The following SNTB1 variants were observed in gnomAD, a reference collection of about 807,000 sequenced individuals.
SNTB1 encodes syntrophin beta 1.
Under a neutral mutation model 48.9 loss-of-function variants are expected in SNTB1, and 36 were observed. The observed-to-expected ratio is 0.74, with a 90% CI of 0.56 to 0.97. The LOEUF is 0.97. Among genes scored for constraint, SNTB1 ranks in the 50% least tolerant of loss-of-function variants. SNTB1 has a pLI of 0.00. For missense variants in SNTB1, 786 were observed against 703.4 expected (o/e 1.12, Z -1.33); for synonymous variants, 299 against 294.6 (o/e 1.01, Z -0.15).
intron 3 of SNTB1, among the ~76,000 whole-genome samples, chr8:120,603,183 A>G (rs1216135579): frequency 6.6e-6 from 1 of 151,572 alleles, no homozygotes; most frequent in Admixed American, 6.6e-5. Flanking sequence ...GCTCACTGCA[A>G]CCTCTCCTCC....
chr8:120,755,026 G>A (rs1015930787), intron 1 of SNTB1, among the ~76,000 whole-genome samples: 2 of 152,052 alleles, frequency 1.3e-5, no homozygotes, highest in Admixed American at 6.6e-5. Context: ...CTTTGTATCC[G>A]AGGCAATGGT....
chr8:120,786,397 C>G (rs1415481971), intron 1 of SNTB1, among the ~76,000 whole-genome samples: 2 of 152,126 alleles, frequency 1.3e-5, no homozygotes, highest in African/African-American at 4.8e-5. Context: ...CGCTCTAGCC[C>G]AACGATCAGG....
intron 1 of SNTB1, among the ~76,000 whole-genome samples, chr8:120,735,702 C>T (rs1818930472): frequency 6.6e-6 from 1 of 152,164 alleles, no homozygotes; most frequent in Non-Finnish European, 1.5e-5. Flanking sequence ...GCCTCCAGAA[C>T]CATGAGAAAA....
At chr8:120,564,488 T>C (rs1815716517) in intron 4 of SNTB1, among the ~76,000 whole-genome samples, 1 of 152,082 alleles carries the variant, frequency 6.6e-6, no homozygotes, top group Admixed American at 6.6e-5. Context: ...ACCCAGTCTA[T>C]AGTATTTTGT....
At chr8:120,561,335 A>G (rs1331712441) in intron 4 of SNTB1, among the ~76,000 whole-genome samples, 2 of 43,926 alleles carry the variant, frequency 4.6e-5, no homozygotes, top group Non-Finnish European at 8.2e-5. Context: ...AAAAAAAAAA[A>G]AAAAAGAAAA....
At chr8:120,795,369 C>T (rs1042501503) in intron 1 of SNTB1, among the ~76,000 whole-genome samples, 5 of 151,970 alleles carry the variant, frequency 3.3e-5, no homozygotes, top group African/African-American at 9.7e-5. Context: ...ACCAGGGGAC[C>T]TGGTCCCACC....
At chr8:120,701,787 CA>C (rs1184478907) in intron 1 of SNTB1, among the ~76,000 whole-genome samples, 1 of 152,128 alleles carries the variant, frequency 6.6e-6, no homozygotes, top group Non-Finnish European at 1.5e-5. Flanking sequence ...GAAGGATGGC[CA>C]AAATGTTCTG....
At chr8:120,739,392 G>C (rs1445614834) in intron 1 of SNTB1, among the ~76,000 whole-genome samples, 1 of 152,178 alleles carries the variant, frequency 6.6e-6, no homozygotes. Flanking sequence ...AATGGGGGTT[G>C]TTCTCAGACA....
At chr8:120,653,772 G>C (rs7461236) in intron 2 of SNTB1, among the ~76,000 whole-genome samples, 1 of 151,678 alleles carries the variant, frequency 6.6e-6, no homozygotes, top group East Asian at 1.9e-4. Flanking sequence ...GGGTGCTGTG[G>C]CTCACGCCTG....
chr8:120,654,071 A>AAAAT, intron 2 of SNTB1, among the ~76,000 whole-genome samples: 1 of 144,104 alleles, frequency 6.9e-6, no homozygotes, highest in South Asian at 2.2e-4. Context: ...AAAAAAAAAA[A>AAAAT]GTTGTCTTCT....
intron 2 of SNTB1, among the ~76,000 whole-genome samples, chr8:120,682,991 C>T (rs1234776540): frequency 6.7e-6 from 1 of 150,140 alleles, no homozygotes; most frequent in African/African-American, 2.5e-5. Context: ...ACGCCATTCT[C>T]CTGCCTCAGC....
At chr8:120,658,528 T>G (rs1288515880) in intron 2 of SNTB1, among the ~76,000 whole-genome samples, 1 of 152,230 alleles carries the variant, frequency 6.6e-6, no homozygotes, top group East Asian at 1.9e-4. Context: ...GTCTCAGGAA[T>G]TTTTTTGGTT....
chr8:120,619,396 A>T (rs563757016), intron 3 of SNTB1, among the ~76,000 whole-genome samples: 30 of 152,168 alleles, frequency 2.0e-4, no homozygotes, highest in African/African-American at 7.2e-4. Flanking sequence ...ATTTACGTTA[A>T]CTCTGACTTA....
intron 4 of SNTB1, among the ~76,000 whole-genome samples, chr8:120,573,600 A>T (rs1179575578): frequency 6.6e-6 from 1 of 152,204 alleles, no homozygotes; most frequent in Non-Finnish European, 1.5e-5. Flanking sequence ...CATATACAAT[A>T]AATCATTGCC....
intron 4 of SNTB1, chr8:120,570,856 T>G (rs1005333821): frequency 7.4e-5 from 12 of 162,176 alleles, no homozygotes; most frequent in African/African-American, 2.9e-4. Flanking sequence ...GAGTTTTCCC[T>G]CAGGCTTCAA....
intron 4 of SNTB1, among the ~76,000 whole-genome samples, chr8:120,552,196 G>A (rs1815492969): frequency 6.6e-6 from 1 of 152,140 alleles, no homozygotes; most frequent in Admixed American, 6.6e-5. Context: ...AATAATAACT[G>A]GGAAAATGCA....
rs1818164248 is a variant in SNTB1 at position 120,693,718 on chromosome 8, A to G, written c.762T>C (p.Ser254=). The G allele has an allele frequency of 3.1e-6, 5 of 1,613,588 alleles. No homozygotes were observed. The highest frequency in any genetic ancestry group is 4.2e-6 in the Non-Finnish European group (5 of 1,179,892). The part of the protein sequence containing the change: ...IPLKMCYVTR[S]MALADPENRQ... Reference sequence around the variant, plus strand: ...TGTTCTCAGGGTCGGCCAAGGCCATACTCCGAGTGACGTAGCACATTTTGA... The same window carrying G: ...TGTTCTCAGGGTCGGCCAAGGCCATGCTCCGAGTGACGTAGCACATTTTGA... Residue 254 remains serine (S), a synonymous_variant, in exon 2 of 7, where the codon AGT becomes AGC. Coordinates refer to ENST00000517992, the MANE Select transcript of SNTB1 (RefSeq NM_021021.4).
chr8:120,790,702 C>T (rs1429779392), intron 1 of SNTB1, among the ~76,000 whole-genome samples: 1 of 151,710 alleles, frequency 6.6e-6, no homozygotes, highest in East Asian at 1.9e-4. Flanking sequence ...AAGATGTCTA[C>T]CAGGAGAACT....
intron 3 of SNTB1, among the ~76,000 whole-genome samples, chr8:120,575,938 C>A (rs1033694792): frequency 6.6e-6 from 1 of 152,172 alleles, no homozygotes; most frequent in African/African-American, 2.4e-5. Context: ...TGAGCCATCC[C>A]CTTGGCCTGG....
Sources: gnomAD v4.1 joint callset for allele counts (sites outside exome capture counted in the v4.1 genomes callset) on GRCh38, gnomAD v4.1.1 for gene constraint, MANE v1.5 for transcripts, NCBI Gene and HGNC (gene_info 2026-07-23, HGNC 2026-07-21) for gene names.